SPATA22: variants seen among roughly 807,000 people sequenced by gnomAD.
The protein encoded by SPATA22 is spermatogenesis associated 22.
A neutral mutation model predicts 47.8 loss-of-function variants in SPATA22; 29 were observed. The observed-to-expected ratio is 0.61, with a 90% CI of 0.45 to 0.83. SPATA22 has a LOEUF of 0.83. Among genes scored for constraint, SPATA22 ranks in the 40% least tolerant of loss-of-function variants. The pLI is 0.00. For missense variants in SPATA22, 410 were observed against 421.7 expected, an observed-to-expected ratio of 0.97 and a Z score of 0.24; for synonymous variants, 133 against 140.9, an observed-to-expected ratio of 0.94 and a Z score of 0.40.
At chr17:3,474,766 C>T (rs952486382), upstream of SPATA22, among the ~76,000 whole-genome samples, 2 of 152,160 alleles carry the variant, frequency 1.3e-5, no homozygotes, top group Admixed American at 6.5e-5. Context: ...GTTTCCTGAG[C>T]ACACTGTAAT....
chr17:3,507,779 G>C (rs764197139), intron 1 of SPATA22, among the ~76,000 whole-genome samples: 17 of 152,280 alleles, frequency 1.1e-4, no homozygotes, highest in Non-Finnish European at 1.6e-4. Context: ...CAATCTCAAA[G>C]GCTGAACGCA....
At chr17:3,462,453 G>T in intron 5 of SPATA22, 30 bp downstream of exon 5, 3 of 1,453,532 alleles carry the variant, frequency 2.1e-6, no homozygotes, top group African/African-American at 1.4e-5. Flanking sequence ...AGAAGGAATA[G>T]AAGAAGAAAG....
chr17:3,504,542 AAATT>A (rs2074023332), intron 1 of SPATA22, among the ~76,000 whole-genome samples: 1 of 133,330 alleles, frequency 7.5e-6, no homozygotes, highest in Non-Finnish European at 1.6e-5. Flanking sequence ...AAAAAAAAGG[AAATT>A]TTCTTTTCTT....
chr17:3,460,850 C>T (rs971288925), intron 5 of SPATA22, among the ~76,000 whole-genome samples: 5 of 146,684 alleles, frequency 3.4e-5, no homozygotes, highest in African/African-American at 1.2e-4. Context: ...ATCACCTCAA[C>T]TCCTCAACTG....
chr17:3,499,339 G>A, intron 1 of SPATA22: 1 of 316,474 alleles, frequency 3.2e-6, no homozygotes, highest in Non-Finnish European at 5.7e-6. Flanking sequence ...TACTTGGGTA[G>A]CTCAACATTC....
At chr17:3,479,702 T>C (rs2073594471) in intron 1 of SPATA22, among the ~76,000 whole-genome samples, 1 of 152,182 alleles carries the variant, frequency 6.6e-6, no homozygotes, top group Non-Finnish European at 1.5e-5. Context: ...GGCTTTGTCC[T>C]CATGGTTTTT....
At chr17:3,504,358 A>G (rs1014055883) in intron 1 of SPATA22, among the ~76,000 whole-genome samples, 8 of 152,012 alleles carry the variant, frequency 5.3e-5, no homozygotes, top group Non-Finnish European at 1.2e-4. Context: ...GAACATCTTC[A>G]TCTTCCACCA....
intron 5 of SPATA22, among the ~76,000 whole-genome samples, chr17:3,451,306 T>C (rs1395171336): frequency 1.3e-5 from 2 of 151,990 alleles, no homozygotes; most frequent in East Asian, 3.9e-4. Flanking sequence ...CACCTAAATA[T>C]ATAAAGCAAA....
At chr17:3,473,784 C>A, upstream of SPATA22, among the ~76,000 whole-genome samples, 1 of 152,152 alleles carries the variant, frequency 6.6e-6, no homozygotes, top group East Asian at 1.9e-4. Context: ...AAGCATGAGA[C>A]CACACCTGGC....
At chr17:3,464,240 C>A (rs1246349461) in intron 3 of SPATA22, among the ~76,000 whole-genome samples, 1 of 151,884 alleles carries the variant, frequency 6.6e-6, no homozygotes, top group African/African-American at 2.4e-5. Flanking sequence ...CCTCGGCCTC[C>A]GGAGGTGCCG....
At chr17:3,474,431 G>T (rs1373358309), upstream of SPATA22, among the ~76,000 whole-genome samples, 2 of 152,174 alleles carry the variant, frequency 1.3e-5, no homozygotes, top group African/African-American at 2.4e-5. Flanking sequence ...GCATAGTAGA[G>T]TGTTAATAAT....
chr17:3,506,606 T>C (rs939794656), intron 1 of SPATA22, among the ~76,000 whole-genome samples: 6 of 152,108 alleles, frequency 3.9e-5, no homozygotes, highest in Admixed American at 6.5e-5. Context: ...CTCAAGAGCA[T>C]AGAGAGCATA....
chr17:3,492,202 C>T (rs1337707400), intron 1 of SPATA22, among the ~76,000 whole-genome samples: 2 of 152,280 alleles, frequency 1.3e-5, no homozygotes, highest in South Asian at 4.1e-4. Flanking sequence ...ATTAAAAAAG[C>T]TGAGCAGCAA....
intron 1 of SPATA22, among the ~76,000 whole-genome samples, chr17:3,504,445 T>G (rs1403684707): frequency 1.3e-5 from 2 of 151,940 alleles, no homozygotes; most frequent in Non-Finnish European, 2.9e-5. Flanking sequence ...AGTGAAACAC[T>G]TCGTTTTACA....
intron 1 of SPATA22, among the ~76,000 whole-genome samples, chr17:3,494,827 C>T (rs896029916): frequency 7.9e-5 from 12 of 152,124 alleles, no homozygotes; most frequent in African/African-American, 2.2e-4. Flanking sequence ...CCACATTCAG[C>T]GGGTGGGAAT....
chr17:3,464,061 G>A (rs997971716), intron 3 of SPATA22, among the ~76,000 whole-genome samples: 63 of 151,238 alleles, frequency 4.2e-4, no homozygotes, highest in Non-Finnish European at 5.9e-4. Context: ...CTGCCATCTC[G>A]GCTCACTGCA....
Position 3,462,590 on chromosome 17 carries a change from A to G in SPATA22, c.234-12T>C, listed in dbSNP as rs985126237. 6.2e-7 allele frequency: 1 copy of G among 1,606,524 alleles called. No individual in the cohort carries two copies. Among genetic ancestry groups the G allele is most frequent in the Admixed American group, 1.7e-5 (1 of 59,836 alleles). On this transcript the variant is annotated splice_polypyrimidine_tract_variant and intron_variant, in intron 4 of 8. Coordinates refer to ENST00000572969, the MANE Select transcript of SPATA22 (RefSeq NM_001170698.2). Reference sequence around the variant, plus strand: ...AATGTGGTATTTGCCTTTCAAGGGAATATGTCTTGTTAAATATTAATAGTT... The same window carrying G: ...AATGTGGTATTTGCCTTTCAAGGGAGTATGTCTTGTTAAATATTAATAGTT...
chr17:3,483,647 C>T, intron 1 of SPATA22: 1 of 1,469,812 alleles, frequency 6.8e-7, no homozygotes, highest in Non-Finnish European at 9.5e-7. Context: ...AGCTGAAACT[C>T]AGAGAAATTT....
intron 5 of SPATA22, among the ~76,000 whole-genome samples, chr17:3,460,519 T>C (rs944279769): frequency 2.6e-5 from 4 of 152,072 alleles, no homozygotes; most frequent in African/African-American, 9.7e-5. Flanking sequence ...CCGAGCACAA[T>C]AGTGTATGCC....
Sources: gnomAD v4.1 joint callset for allele counts (sites outside exome capture counted in the v4.1 genomes callset) on GRCh38, gnomAD v4.1.1 for gene constraint, MANE v1.5 for transcripts, NCBI Gene and HGNC (gene_info 2026-07-23, HGNC 2026-07-21) for gene names.